The following RBKS variants were observed in gnomAD, a reference collection of about 807,000 sequenced individuals.
RBKS encodes the protein ribokinase.
Under a neutral mutation model 33.9 loss-of-function variants are expected in RBKS, and 33 were observed. That is an observed-to-expected ratio of 0.97 (90% CI 0.74 to 1.30). The LOEUF is 1.30. RBKS is among the 50% of genes most tolerant of loss of function. The pLI, the probability that RBKS is intolerant of heterozygous loss-of-function variation, is 0.00. For missense variants in RBKS, 361 were observed against 392.6 expected, an observed-to-expected ratio of 0.92 and a Z score of 0.68; for synonymous variants, 125 against 143.0, an observed-to-expected ratio of 0.87 and a Z score of 0.90.
intron 3 of RBKS, 21 bp from the exon 4 acceptor site, chr2:27,847,125 A>T (rs773147847): frequency 1.1e-5 from 15 of 1,406,184 alleles, no homozygotes; most frequent in Non-Finnish European, 1.5e-5. Flanking sequence ...AAAGAAAATT[A>T]CAATCACATG....
chr2:27,816,204 G>A (rs545615544), intron 7 of RBKS, among the ~76,000 whole-genome samples: 8 of 152,332 alleles, frequency 5.3e-5, no homozygotes, highest in African/African-American at 1.7e-4. Context: ...CTGATCACAC[G>A]CAGGATTAAG....
intron 1 of RBKS, among the ~76,000 whole-genome samples, chr2:27,876,457 T>C (rs1055818854): frequency 6.6e-6 from 1 of 152,230 alleles, no homozygotes; most frequent in East Asian, 1.9e-4. Flanking sequence ...AGAGGCTCTG[T>C]GCATTTTTTC....
At position 27,781,806 on chromosome 2, in the gene RBKS, G is replaced by A. The variant is rs766990949; in HGVS notation, c.796-18C>T. On this transcript the variant is annotated intron_variant, in intron 7 of 7. Transcript: ENST00000302188. ...CCAGCACCCTGTAATTGAAAGCACA[G>A]TTTTGAAGATAAGCATGTAGTCAAT... The A allele has an allele frequency of 8.8e-6, 14 of 1,593,726 alleles. No individual in the cohort carries two copies. In the South Asian group the frequency reaches 1.6e-4, roughly 18 times the overall value.
intron 7 of RBKS, among the ~76,000 whole-genome samples, chr2:27,801,987 T>A (rs1677802519): frequency 1.0e-5 from 1 of 97,136 alleles, no homozygotes; most frequent in Non-Finnish European, 2.0e-5. Flanking sequence ...TATATATATA[T>A]ATATATTTTT....
At chr2:27,888,326 C>T (rs969403920) in intron 1 of RBKS, among the ~76,000 whole-genome samples, 1 of 152,092 alleles carries the variant, frequency 6.6e-6, no homozygotes, top group Admixed American at 6.5e-5. Flanking sequence ...TGGGGTTTCA[C>T]CATGTTCGCT....
At chr2:27,889,540 G>T (rs1388887667) in intron 1 of RBKS, among the ~76,000 whole-genome samples, 1 of 152,042 alleles carries the variant, frequency 6.6e-6, no homozygotes, top group Non-Finnish European at 1.5e-5. Flanking sequence ...TTAAAAAAAA[G>T]AAAAATCAGA....
intron 1 of RBKS, among the ~76,000 whole-genome samples, chr2:27,872,734 C>T (rs902377810): frequency 2.6e-5 from 4 of 152,218 alleles, no homozygotes; most frequent in Admixed American, 2.0e-4. Flanking sequence ...TCCACCATCA[C>T]GGTAGGTGAT....
At chr2:27,887,950 A>T (rs1346897896) in intron 1 of RBKS, among the ~76,000 whole-genome samples, 2 of 152,134 alleles carry the variant, frequency 1.3e-5, no homozygotes, top group African/African-American at 2.4e-5. Context: ...ACCCTGACGG[A>T]TGCTAAAATG....
chr2:27,885,665 TC>T (rs1664512856), intron 1 of RBKS, among the ~76,000 whole-genome samples: 1 of 152,184 alleles, frequency 6.6e-6, no homozygotes, highest in Non-Finnish European at 1.5e-5. Flanking sequence ...AACTTCCTAT[TC>T]CCATCCCTCC....
At position 27,847,111 on chromosome 2, in the gene RBKS, GA is replaced by G; in HGVS notation, c.287-8del. The G allele has an allele frequency of 1.3e-6, 2 of 1,546,154 alleles. No individual in the cohort carries two copies. The highest frequency in any genetic ancestry group is 2.2e-5 in the South Asian group (2 of 89,328). On this transcript the variant is annotated splice_polypyrimidine_tract_variant and splice_region_variant and intron_variant, in intron 3 of 7. Transcript: ENST00000302188. Reference sequence around the variant, plus strand: ...TTAGTCTGATATGTAAATTCTGAAAGAAAAAAGAAAATTACAATCACATGTA... The same window carrying G: ...TTAGTCTGATATGTAAATTCTGAAAGAAAAAGAAAATTACAATCACATGTA...
chr2:27,806,897 C>G (rs937990393), intron 7 of RBKS, among the ~76,000 whole-genome samples: 26 of 152,140 alleles, frequency 1.7e-4, no homozygotes, highest in African/African-American at 6.0e-4. Context: ...CAAATGACTT[C>G]CCAGGTGATG....
intron 7 of RBKS, among the ~76,000 whole-genome samples, chr2:27,786,559 C>T (rs187289586): frequency 1.9e-3 from 285 of 152,174 alleles, no homozygotes; most frequent in African/African-American, 6.6e-3. Context: ...GAGGCAGGTA[C>T]ATCATGAGTT....
intron 7 of RBKS, among the ~76,000 whole-genome samples, chr2:27,825,844 G>C (rs1431943256): frequency 6.6e-6 from 1 of 152,220 alleles, no homozygotes; most frequent in Non-Finnish European, 1.5e-5. Flanking sequence ...CAAAGGGATA[G>C]TAACTAACAT....
At chr2:27,854,219 T>C (rs1200836917) in intron 2 of RBKS, among the ~76,000 whole-genome samples, 1 of 152,228 alleles carries the variant, frequency 6.6e-6, no homozygotes, top group African/African-American at 2.4e-5. Flanking sequence ...ATTACTATTA[T>C]ATTCAACGGT....
At chr2:27,878,341 C>T (rs1446591272) in intron 1 of RBKS, among the ~76,000 whole-genome samples, 5 of 151,754 alleles carry the variant, frequency 3.3e-5, no homozygotes, top group African/African-American at 1.2e-4. Context: ...TCATCCATGT[C>T]CCTACAAAGG....
chr2:27,809,445 G>A (rs1185898811), intron 7 of RBKS, among the ~76,000 whole-genome samples: 2 of 152,150 alleles, frequency 1.3e-5, no homozygotes, highest in African/African-American at 4.8e-5. Flanking sequence ...TCCTGAGAGC[G>A]AGCTAAAAAT....
intron 1 of RBKS, among the ~76,000 whole-genome samples, chr2:27,864,219 C>T (rs1664043983): frequency 6.6e-6 from 1 of 151,650 alleles, no homozygotes; most frequent in South Asian, 2.1e-4. Flanking sequence ...AATGGGGTCT[C>T]GCTATGTTGC....
At chr2:27,791,296 C>T (rs1677516118) in intron 7 of RBKS, among the ~76,000 whole-genome samples, 1 of 152,124 alleles carries the variant, frequency 6.6e-6, no homozygotes, top group African/African-American at 2.4e-5. Flanking sequence ...GTTTCTGTGT[C>T]TGTGACAGTG....
rs529982539 is a variant in RBKS at position 27,858,379 on chromosome 2, C to T, written c.222+60G>A. The T allele has an allele frequency of 2.8e-5, 42 of 1,516,052 alleles. No homozygotes were observed. The Admixed American group carries it at 6.9e-4, about 25-fold the overall frequency. The allele number at this position is 1,516,052 out of a possible 1,614,324, so 93.9% of individuals were successfully genotyped here. A position where few individuals can be genotyped will look rare whatever the true frequency, so the allele number is the denominator to read the frequency against. ...GGTTGAAAAAATTAAAAACAATGAA[C>T]TCCAGTCTTAAAACCAGATTCTTAC... On this transcript the variant is annotated intron_variant, in intron 2 of 7. Transcript: ENST00000302188.
Sources: allele counts gnomAD v4.1 joint callset (sites outside exome capture counted in the v4.1 genomes callset), GRCh38; gene constraint gnomAD v4.1.1; transcripts MANE v1.5; gene names NCBI Gene and HGNC (gene_info 2026-07-23, HGNC 2026-07-21).